The following DPP6 variants were observed in gnomAD, a reference collection of about 807,000 sequenced individuals.
DPP6 encodes A-type potassium channel modulatory protein DPP6.
DPP6 carries 69 observed loss-of-function variants against 122.6 expected under a neutral mutation model. That is an observed-to-expected ratio of 0.56 (90% CI 0.46 to 0.69). The LOEUF (loss-of-function observed/expected upper bound fraction) is 0.69. DPP6 is among the 30% of genes least tolerant of loss of function. The probability of loss-of-function intolerance (pLI) is 0.00; values close to 1 mark genes in which losing one functional copy is unlikely to be tolerated. For missense variants in DPP6, 928 were observed against 1,116.9 expected (o/e 0.83, Z 2.41); for synonymous variants, 418 against 433.1 (o/e 0.97, Z 0.43).
chr7:154,611,132 A>G (rs1198270108), intron 5 of DPP6, among the ~76,000 whole-genome samples: 5 of 152,212 alleles, frequency 3.3e-5, no homozygotes, highest in Non-Finnish European at 7.3e-5. Flanking sequence ...TGTGATGGCC[A>G]AAACTACTTG....
intron 1 of DPP6, among the ~76,000 whole-genome samples, chr7:154,353,670 G>A (rs538453989): frequency 6.6e-6 from 1 of 152,160 alleles, no homozygotes; most frequent in East Asian, 1.9e-4. Flanking sequence ...AGCCAAATAA[G>A]AGCTGATTTC....
chr7:154,595,013 A>ATT (rs551036884), intron 5 of DPP6, among the ~76,000 whole-genome samples: 128 of 150,154 alleles, frequency 8.5e-4, no homozygotes, highest in East Asian at 8.0e-3. Flanking sequence ...TGTATCATTG[A>ATT]TTTTTTTTTT....
At chr7:154,710,327 A>G (rs1402933362) in intron 7 of DPP6, among the ~76,000 whole-genome samples, 1 of 152,210 alleles carries the variant, frequency 6.6e-6, no homozygotes, top group Non-Finnish European at 1.5e-5. Flanking sequence ...ATCATAAATA[A>G]TGCTGTCATG....
At chr7:154,246,622 C>G (rs1802001540) in intron 1 of DPP6, among the ~76,000 whole-genome samples, 1 of 152,100 alleles carries the variant, frequency 6.6e-6, no homozygotes, top group Non-Finnish European at 1.5e-5. Flanking sequence ...ACTTCCACAA[C>G]CTATTTTCAA....
At chr7:154,121,973 A>G (rs191436914) in intron 1 of DPP6, among the ~76,000 whole-genome samples, 2 of 152,242 alleles carry the variant, frequency 1.3e-5, no homozygotes, top group Admixed American at 1.3e-4. Flanking sequence ...CGGACTGACT[A>G]CATTTCTCAC....
intron 1 of DPP6, among the ~76,000 whole-genome samples, chr7:154,401,376 G>A (rs1483816933): frequency 6.6e-6 from 1 of 152,010 alleles, no homozygotes; most frequent in East Asian, 1.9e-4. Flanking sequence ...AGAATCCCGT[G>A]GCTTAACTTT....
At chr7:154,611,915 A>G (rs1351592623) in intron 5 of DPP6, among the ~76,000 whole-genome samples, 1 of 152,060 alleles carries the variant, frequency 6.6e-6, no homozygotes, top group Non-Finnish European at 1.5e-5. Context: ...CAATCTTATT[A>G]TATGTGTAGG....
At chr7:154,862,357 C>T (rs779348215) in intron 17 of DPP6, among the ~76,000 whole-genome samples, 11 of 152,268 alleles carry the variant, frequency 7.2e-5, no homozygotes, top group Non-Finnish European at 1.5e-4. Context: ...CTGAATCCCA[C>T]GTGTCTGCAC....
At chr7:154,666,717 TAAAAA>T (rs2131086148) in intron 6 of DPP6, among the ~76,000 whole-genome samples, 1 of 152,152 alleles carries the variant, frequency 6.6e-6, no homozygotes, top group East Asian at 1.9e-4. Context: ...TATTCAGCCT[TAAAAA>T]AGAAGGATGT....
At chr7:153,831,962 C>T in the DPP6 span, among the ~76,000 whole-genome samples, 3 of 152,276 alleles carry the variant, frequency 2.0e-5, no homozygotes, top group East Asian at 3.9e-4. Context: ...ATAAAGTTCC[C>T]TCTGGTTGCT....
intron 1 of DPP6, among the ~76,000 whole-genome samples, chr7:154,064,566 G>C (rs558905179): frequency 6.6e-6 from 1 of 152,274 alleles, no homozygotes; most frequent in South Asian, 2.1e-4. Flanking sequence ...AAGACCAGAG[G>C]CTGTGGGACT....
intron 4 of DPP6, among the ~76,000 whole-genome samples, chr7:154,549,488 T>C (rs574639873): frequency 1.3e-5 from 2 of 152,320 alleles, no homozygotes; most frequent in Non-Finnish European, 2.9e-5. Context: ...GAGCTCACAG[T>C]AAGATTGTTT....
intron 1 of DPP6, among the ~76,000 whole-genome samples, chr7:154,339,313 G>A (rs1416571322): frequency 6.6e-6 from 1 of 152,224 alleles, no homozygotes; most frequent in Non-Finnish European, 1.5e-5. Flanking sequence ...GTGGGACAGG[G>A]CTTCAGGCTG....
At chr7:154,142,168 A>G (rs1052287821) in intron 1 of DPP6, among the ~76,000 whole-genome samples, 1 of 151,832 alleles carries the variant, frequency 6.6e-6, no homozygotes, top group Non-Finnish European at 1.5e-5. Flanking sequence ...TTCATTCCAC[A>G]CATACTCAGT....
At chr7:154,795,704 A>G in intron 11 of DPP6, 141 bp from the exon 12 acceptor site, 2 of 1,209,606 alleles carry the variant, frequency 1.7e-6, no homozygotes, top group Non-Finnish European at 2.3e-6. Flanking sequence ...CTGCCGTGGC[A>G]GCTGTGCAAT....
intron 1 of DPP6, chr7:154,305,336 A>AGGCCCC: frequency 5.5e-6 from 2 of 362,168 alleles, no homozygotes; most frequent in Non-Finnish European, 7.9e-6. Context: ...CGTCTTGTCT[A>AGGCCCC]CCCACCCTCC....
chr7:153,882,864 A>G (rs148234323), upstream of DPP6, among the ~76,000 whole-genome samples: 145 of 152,324 alleles, frequency 9.5e-4, 1 homozygote, highest in African/African-American at 2.9e-3. Flanking sequence ...GGCAGCTTCT[A>G]TGGGATTTAG....
intron 1 of DPP6, among the ~76,000 whole-genome samples, chr7:153,986,829 T>C (rs57533312): frequency 0.022 from 3,399 of 152,044 alleles, 120 homozygotes; most frequent in African/African-American, 0.071. Context: ...CAAGAAATGT[T>C]GATGTCTTCT....
At chr7:154,056,942 A>G (rs1800874688) in intron 1 of DPP6, among the ~76,000 whole-genome samples, 1 of 152,206 alleles carries the variant, frequency 6.6e-6, no homozygotes, top group Non-Finnish European at 1.5e-5. Context: ...AAAAGTCTAA[A>G]TCTTTCAACT....
Sources: allele counts gnomAD v4.1 joint callset (sites outside exome capture counted in the v4.1 genomes callset), GRCh38; gene constraint gnomAD v4.1.1; transcripts MANE v1.5; gene names NCBI Gene and HGNC (gene_info 2026-07-23, HGNC 2026-07-21).